PRR33: variants seen among roughly 807,000 people sequenced by gnomAD.
The protein encoded by PRR33 is proline-rich protein 33.
In PRR33, 1 loss-of-function variant was observed where a neutral mutation model predicts 0.5. That is an observed-to-expected ratio of 2.18 (90% CI 0.77 to 10.34). PRR33 has a LOEUF of 10.34. Among genes scored for constraint, PRR33 ranks in the 30% most tolerant of loss-of-function variants. PRR33 has a pLI of 0.13. For missense variants in PRR33, 552 were observed against 251.8 expected (o/e 2.19, Z -8.07); for synonymous variants, 226 against 110.0 (o/e 2.06, Z -6.60).
At chr11:1,902,533 C>A in the PRR33 span, 3 of 152,002 alleles carry the variant, frequency 2.0e-5, no homozygotes, top group Non-Finnish European at 2.9e-5. Flanking sequence ...TAAGCTTTTT[C>A]TTTGTCTTAA....
chr11:1,891,343 G>A (rs1454490558), exon 1 of PRR33: 1 of 152,400 alleles, frequency 6.6e-6, no homozygotes, highest in African/African-American at 2.4e-5. Context: ...GAGTCCTGGG[G>A]GCTGCCGCTG....
the PRR33 span, among the ~76,000 whole-genome samples, chr11:1,912,644 G>A: frequency 7.9e-5 from 12 of 152,062 alleles, no homozygotes; most frequent in Non-Finnish European, 1.2e-4. Flanking sequence ...TCACTCTGTC[G>A]CCCAGGCTGG....
chr11:1,898,711 C>A, the PRR33 span, among the ~76,000 whole-genome samples: 1 of 151,882 alleles, frequency 6.6e-6, no homozygotes, highest in Non-Finnish European at 1.5e-5. Flanking sequence ...GCACCCTCAA[C>A]ATTTTTCACC....
the PRR33 span, among the ~76,000 whole-genome samples, chr11:1,898,270 C>T: frequency 1.3e-5 from 2 of 151,598 alleles, no homozygotes; most frequent in Admixed American, 6.6e-5. Context: ...AGTCTCGCTC[C>T]GTCGGCTGGA....
At chr11:1,913,808 C>G in the PRR33 span, among the ~76,000 whole-genome samples, 3 of 152,370 alleles carry the variant, frequency 2.0e-5, no homozygotes, top group South Asian at 6.2e-4. Context: ...CAGTCCTAGA[C>G]GCCTCACCCC....
the PRR33 span, among the ~76,000 whole-genome samples, chr11:1,904,906 T>C: frequency 3.4e-5 from 5 of 145,868 alleles, no homozygotes; most frequent in Non-Finnish European, 7.6e-5. Flanking sequence ...CCCCGGGCCC[T>C]TCCCCATCAA....
chr11:1,916,688 G>A, the PRR33 span, among the ~76,000 whole-genome samples: 26 of 152,152 alleles, frequency 1.7e-4, no homozygotes, highest in African/African-American at 6.0e-4. Context: ...ACCAGCCCTG[G>A]CCCCTTGTCA....
At chr11:1,898,907 A>G in the PRR33 span, among the ~76,000 whole-genome samples, 1 of 152,162 alleles carries the variant, frequency 6.6e-6, no homozygotes, top group Non-Finnish European at 1.5e-5. Context: ...AGGCTGAGGC[A>G]GGAGAATCGC....
At chr11:1,900,715 G>A in the PRR33 span, among the ~76,000 whole-genome samples, 7 of 152,116 alleles carry the variant, frequency 4.6e-5, no homozygotes, top group Admixed American at 1.3e-4. Flanking sequence ...GCATATACCC[G>A]GATGTATCAG....
chr11:1,905,026 T>G, the PRR33 span, among the ~76,000 whole-genome samples: 1 of 152,104 alleles, frequency 6.6e-6, no homozygotes, highest in Non-Finnish European at 1.5e-5. Flanking sequence ...TTCTACTTGA[T>G]GTTTACTATT....
the PRR33 span, among the ~76,000 whole-genome samples, chr11:1,906,743 T>A: frequency 6.6e-6 from 1 of 152,148 alleles, no homozygotes; most frequent in Admixed American, 6.5e-5. Flanking sequence ...AATTCCTAGG[T>A]CCATGTGAGC....
the PRR33 span, among the ~76,000 whole-genome samples, chr11:1,904,304 G>A: frequency 3.4e-4 from 51 of 152,144 alleles, 1 homozygote; most frequent in Non-Finnish European, 3.5e-4. Flanking sequence ...CGAGGCGGGT[G>A]GATTGCCTGA....
chr11:1,889,933 T>TG, the PRR33 span: 2 of 630,222 alleles, frequency 3.2e-6, no homozygotes, highest in Non-Finnish European at 2.9e-6. Flanking sequence ...GGCTGGGCCC[T>TG]GGGGGGACTT....
At chr11:1,899,918 T>G in the PRR33 span, among the ~76,000 whole-genome samples, 1 of 152,138 alleles carries the variant, frequency 6.6e-6, no homozygotes, top group Admixed American at 6.6e-5. Context: ...GCCCATCAAG[T>G]AGCAGAAGTG....
At chr11:1,917,471 G>A in the PRR33 span, among the ~76,000 whole-genome samples, 1 of 152,160 alleles carries the variant, frequency 6.6e-6, no homozygotes, top group Non-Finnish European at 1.5e-5. Context: ...CCAAGGCCCC[G>A]TGGTCCGTCC....
chr11:1,903,877 C>G, the PRR33 span, among the ~76,000 whole-genome samples: 1 of 152,180 alleles, frequency 6.6e-6, no homozygotes, highest in Non-Finnish European at 1.5e-5. Flanking sequence ...GGAGTGTGCA[C>G]CTCCTGCAGC....
chr11:1,902,168 C>G, the PRR33 span, among the ~76,000 whole-genome samples: 2 of 150,564 alleles, frequency 1.3e-5, no homozygotes, highest in African/African-American at 2.5e-5. Flanking sequence ...GGAGGCGGAG[C>G]TTGCAGTGAG....
the PRR33 span, among the ~76,000 whole-genome samples, chr11:1,907,365 A>T: frequency 6.6e-6 from 1 of 152,208 alleles, no homozygotes; most frequent in Admixed American, 6.5e-5. Flanking sequence ...AGCTGGAAAC[A>T]TTGTTCCCCA....
chr11:1,905,833 G>T, the PRR33 span, among the ~76,000 whole-genome samples: 1 of 151,694 alleles, frequency 6.6e-6, no homozygotes, highest in Non-Finnish European at 1.5e-5. Flanking sequence ...CTTTCTTTTT[G>T]TGGGGGGGAC....
Sources: allele counts gnomAD v4.1 joint callset (sites outside exome capture counted in the v4.1 genomes callset), GRCh38; gene constraint gnomAD v4.1.1; transcripts MANE v1.5; gene names NCBI Gene and HGNC (gene_info 2026-07-23, HGNC 2026-07-21).